The following INSC variants were observed in gnomAD, a reference collection of about 807,000 sequenced individuals.
INSC encodes protein inscuteable homolog.
A neutral mutation model predicts 58.6 loss-of-function variants in INSC; 67 were observed. The observed-to-expected ratio is 1.14, with a 90% CI of 0.94 to 1.40. The LOEUF (loss-of-function observed/expected upper bound fraction) is 1.40, where lower values mean the gene tolerates loss of function less well. INSC is among the 40% of genes most tolerant of loss of function. The pLI is 0.00. For synonymous variants in INSC, 262 were observed against 276.1 expected, an observed-to-expected ratio of 0.95 and a Z score of 0.51; for missense variants, 714 against 692.0, an observed-to-expected ratio of 1.03 and a Z score of -0.36.
intron 1 of INSC, among the ~76,000 whole-genome samples, chr11:15,138,238 C>T (rs138665111): frequency 1.3e-5 from 2 of 152,026 alleles, no homozygotes; most frequent in African/African-American, 4.8e-5. Context: ...ACAGCAGATA[C>T]AATAGTAATG....
chr11:15,261,165 C>T, the INSC span, among the ~76,000 whole-genome samples: 205 of 152,274 alleles, frequency 1.3e-3, 2 homozygotes, highest in African/African-American at 4.7e-3. Flanking sequence ...CTTGCTTGAT[C>T]CTGGACAAGT....
intron 2 of INSC, among the ~76,000 whole-genome samples, chr11:15,160,260 A>G (rs1357599195): frequency 6.6e-6 from 1 of 152,198 alleles, no homozygotes; most frequent in East Asian, 1.9e-4. Flanking sequence ...TCAAGACCTC[A>G]ATGATGTGTA....
At chr11:15,156,508 C>G (rs1848819594) in intron 2 of INSC, among the ~76,000 whole-genome samples, 1 of 152,184 alleles carries the variant, frequency 6.6e-6, no homozygotes, top group Non-Finnish European at 1.5e-5. Context: ...TACCAAATCT[C>G]AGTTCTGGGA....
intron 11 of INSC, 67 bp downstream of exon 11, chr11:15,239,141 T>G: frequency 6.5e-7 from 1 of 1,537,906 alleles, no homozygotes; most frequent in Non-Finnish European, 8.8e-7. Flanking sequence ...CAGCTCTGAT[T>G]TCACAGTGGC....
At position 15,200,828 on chromosome 11, in the gene INSC, G is replaced by T. The variant is rs766840558; in HGVS notation, c.698G>T (p.Gly233Val). Reference sequence around the variant, plus strand: ...GACATTTCTTTCTCTTGGCAGGAGGGTGGGGTCGTAGCACTCTTCAAGGTT... The same window carrying T: ...GACATTTCTTTCTCTTGGCAGGAGGTTGGGGTCGTAGCACTCTTCAAGGTT... The part of the protein sequence containing the change: ...APLCRIIAKE[G>V]GVVALFKVCR... Residue 233 changes from glycine to valine, a missense_variant, in exon 7 of 13, where the codon GGT becomes GTT. Gly to Val is a moderately radical substitution (Grantham distance 109, BLOSUM62 -3). Coordinates refer to ENST00000379556, the MANE Select transcript of INSC (RefSeq NM_001042536.3). The T allele has an allele frequency of 6.2e-7, 1 of 1,614,044 alleles. No homozygotes were observed. Among genetic ancestry groups the T allele is most frequent in the South Asian group, 1.1e-5 (1 of 91,076 alleles).
At chr11:15,214,442 A>T (rs1187807359) in intron 7 of INSC, among the ~76,000 whole-genome samples, 2 of 152,220 alleles carry the variant, frequency 1.3e-5, no homozygotes, top group Non-Finnish European at 2.9e-5. Flanking sequence ...CATAAAACAA[A>T]AACAAAAACA....
At chr11:15,165,381 T>C (rs78578611) in intron 2 of INSC, among the ~76,000 whole-genome samples, 1,973 of 152,306 alleles carry the variant, frequency 0.013, 62 homozygotes, top group African/African-American at 0.045. Context: ...TATATACACA[T>C]AATATATATA....
chr11:15,235,298 C>CAGAA (rs1219430003), intron 9 of INSC: 9 of 410,626 alleles, frequency 2.2e-5, no homozygotes, highest in Non-Finnish European at 3.7e-5. Flanking sequence ...GGGACCAGAG[C>CAGAA]AGAAAGACAA....
the INSC span, among the ~76,000 whole-genome samples, chr11:15,259,005 T>C: frequency 2.6e-5 from 4 of 152,194 alleles, no homozygotes; most frequent in Non-Finnish European, 1.5e-5. Context: ...GCAACTGCTC[T>C]GTTCTTTGTG....
At chr11:15,190,904 C>A in intron 6 of INSC, 90 bp downstream of exon 6, 1 of 830,104 alleles carries the variant, frequency 1.2e-6, no homozygotes, top group Non-Finnish European at 2.1e-6. Flanking sequence ...CTCACGAGGT[C>A]TGTCTTGGCC....
chr11:15,151,810 CCCAGGGT>C (rs1286496686), intron 2 of INSC, among the ~76,000 whole-genome samples: 1 of 152,162 alleles, frequency 6.6e-6, no homozygotes, highest in Admixed American at 6.5e-5. Context: ...TAAGCTGGAG[CCCAGGGT>C]CCACACAGGG....
At chr11:15,131,548 C>T (rs1848126472) in intron 1 of INSC, among the ~76,000 whole-genome samples, 2 of 152,098 alleles carry the variant, frequency 1.3e-5, no homozygotes, top group South Asian at 2.1e-4. Flanking sequence ...TGATCTATCA[C>T]TCAGTGACAG....
At position 15,205,252 on chromosome 11, in the gene INSC, C is replaced by T. The variant is rs375971651; in HGVS notation, c.819+4303C>T. The stretch of plus-strand genomic sequence containing the variant: ...TAAAAAATAAGTAAACTTACTCACT[C>T]ATTTGTTCTCTCACGAAGTCCACCA... On this transcript the variant is annotated intron_variant, in intron 7 of 12. Coordinates refer to ENST00000379556, the MANE Select transcript of INSC (RefSeq NM_001042536.3). Among the ~76,000 whole-genome samples, 19 of 152,302 alleles carry T rather than the reference C, an allele frequency of 1.2e-4. No homozygotes were observed. The East Asian group carries it at 1.7e-3, about 14-fold the overall frequency.
At chr11:15,182,749 G>A (rs569024004) in intron 5 of INSC, among the ~76,000 whole-genome samples, 1 of 152,310 alleles carries the variant, frequency 6.6e-6, no homozygotes, top group South Asian at 2.1e-4. Flanking sequence ...CAGGAGAAAT[G>A]CAAGCACATA....
intron 7 of INSC, among the ~76,000 whole-genome samples, chr11:15,208,781 T>C (rs1589971646): frequency 6.6e-6 from 1 of 152,030 alleles, no homozygotes; most frequent in Non-Finnish European, 1.5e-5. Flanking sequence ...AGAGGCTCGG[T>C]GGGACCCCAT....
intron 7 of INSC, among the ~76,000 whole-genome samples, chr11:15,211,333 T>C (rs1420747671): frequency 6.6e-6 from 1 of 152,242 alleles, no homozygotes; most frequent in East Asian, 1.9e-4. Flanking sequence ...TACTGGCCAT[T>C]TGGTTATCAT....
the INSC span, among the ~76,000 whole-genome samples, chr11:15,263,667 T>C: frequency 1.3e-5 from 2 of 152,132 alleles, no homozygotes; most frequent in East Asian, 1.9e-4. Flanking sequence ...TACAGTTCTG[T>C]AGGTAGGAAG....
At chr11:15,232,850 C>G (rs10832377) in intron 9 of INSC, among the ~76,000 whole-genome samples, 39,812 of 152,018 alleles carry the variant, frequency 0.26, 6,214 homozygotes, top group East Asian at 0.74. Flanking sequence ...CCTCTAGAAG[C>G]TGGAAAATAG....
At chr11:15,121,976 C>T (rs2133687400) in intron 1 of INSC, among the ~76,000 whole-genome samples, 1 of 152,294 alleles carries the variant, frequency 6.6e-6, no homozygotes, top group East Asian at 1.9e-4. Flanking sequence ...CCTTACTTTG[C>T]TACAGCCCTG....
Sources: gnomAD v4.1 joint callset for allele counts (sites outside exome capture counted in the v4.1 genomes callset) on GRCh38, gnomAD v4.1.1 for gene constraint, MANE v1.5 for transcripts, NCBI Gene and HGNC (gene_info 2026-07-23, HGNC 2026-07-21) for gene names.